CTNNA1: variants seen among roughly 807,000 people sequenced by gnomAD.
The protein encoded by CTNNA1 is catenin alpha 1.
CTNNA1 carries 37 observed loss-of-function variants against 98.4 expected under a neutral mutation model. That is an observed-to-expected ratio of 0.38 (90% CI 0.29 to 0.49). The LOEUF (loss-of-function observed/expected upper bound fraction) is 0.49, where lower values mean the gene tolerates loss of function less well. Ranked by LOEUF, CTNNA1 falls within the 20% of genes least tolerant of loss-of-function variation. The pLI, the probability that CTNNA1 is intolerant of heterozygous loss-of-function variation, is 0.95. For missense variants in CTNNA1, 761 were observed against 1,147.2 expected, an observed-to-expected ratio of 0.66 and a Z score of 4.86; for synonymous variants, 404 against 413.2, an observed-to-expected ratio of 0.98 and a Z score of 0.27.
At position 138,850,006 on chromosome 5, in the gene CTNNA1, A is replaced by T. The variant is rs145955051; in HGVS notation, c.1062+22288A>T. ...TACAATAAAACACACACACACACAC[A>T]CTCTCTCTCTTAAGATTTTTGTGTC... is the stretch of plus-strand genomic sequence containing the variant. On this transcript the variant is annotated intron_variant, in intron 7 of 17. Transcript: ENST00000302763. 1.8e-3 allele frequency among the ~76,000 whole-genome samples: 272 copies of T among 151,296 alleles called. 2 individuals are homozygous for T. The highest frequency in any genetic ancestry group is 2.8e-3 in the Non-Finnish European group (188 of 67,816).
At chr5:138,798,135 A>G (rs1206790406) in intron 3 of CTNNA1, among the ~76,000 whole-genome samples, 2 of 152,342 alleles carry the variant, frequency 1.3e-5, no homozygotes, top group East Asian at 1.9e-4. Context: ...GTGGATAATG[A>G]CATGTTCTAA....
At chr5:138,918,737 T>TG (rs1389751873) in intron 11 of CTNNA1, among the ~76,000 whole-genome samples, 13 of 152,250 alleles carry the variant, frequency 8.5e-5, no homozygotes, top group Non-Finnish European at 1.8e-4. Context: ...GGACCTCTGT[T>TG]GCCCTTGGCT....
At chr5:138,859,684 G>T (rs1764081328) in intron 7 of CTNNA1, among the ~76,000 whole-genome samples, 1 of 152,166 alleles carries the variant, frequency 6.6e-6, no homozygotes, top group Non-Finnish European at 1.5e-5. Flanking sequence ...AGCACTTTAG[G>T]GTCGCTTGAG....
chr5:138,809,349 A>C (rs1758432928), intron 3 of CTNNA1, among the ~76,000 whole-genome samples: 1 of 152,206 alleles, frequency 6.6e-6, no homozygotes, highest in African/African-American at 2.4e-5. Context: ...TTTTGACTCC[A>C]GTCTTTCCTC....
At chr5:138,890,164 T>C (rs772807787) in intron 9 of CTNNA1, among the ~76,000 whole-genome samples, 9 of 152,154 alleles carry the variant, frequency 5.9e-5, no homozygotes, top group Non-Finnish European at 1.2e-4. Context: ...TATATGAAAG[T>C]TGGGCAGGGT....
intron 5 of CTNNA1, among the ~76,000 whole-genome samples, chr5:138,816,913 G>C (rs1258555256): frequency 6.6e-6 from 1 of 152,134 alleles, no homozygotes; most frequent in Non-Finnish European, 1.5e-5. Flanking sequence ...TGGCCAGGCT[G>C]GTCTCGAACT....
chr5:138,813,603 C>G (rs1759075735), intron 5 of CTNNA1, among the ~76,000 whole-genome samples: 1 of 152,100 alleles, frequency 6.6e-6, no homozygotes, highest in African/African-American at 2.4e-5. Context: ...TTCATTACAG[C>G]AAGATGGTTG....
chr5:138,805,897 G>A (rs1758035938), intron 3 of CTNNA1, among the ~76,000 whole-genome samples: 1 of 150,448 alleles, frequency 6.6e-6, no homozygotes, highest in South Asian at 2.1e-4. Flanking sequence ...AAATTTTTTT[G>A]ATGATGTCAA....
At chr5:138,875,309 A>C in intron 7 of CTNNA1, 1 of 818,550 alleles carries the variant, frequency 1.2e-6, no homozygotes, top group Non-Finnish European at 1.5e-6. Context: ...TTTACTGAAA[A>C]GCTTTTCCGA....
intron 6 of CTNNA1, among the ~76,000 whole-genome samples, chr5:138,825,499 A>G (rs866029981): frequency 9.0e-4 from 15 of 16,628 alleles, no homozygotes; most frequent in East Asian, 4.6e-3. Flanking sequence ...TTTTTTTTTT[A>G]GGGCTTTAAA....
At chr5:138,832,578 C>G (rs1237327426) in intron 7 of CTNNA1, among the ~76,000 whole-genome samples, 1 of 151,908 alleles carries the variant, frequency 6.6e-6, no homozygotes, top group African/African-American at 2.4e-5. Context: ...AAGTTATTAC[C>G]ATTTTTTTTC....
chr5:138,822,711 T>C (rs1561561623), intron 5 of CTNNA1, among the ~76,000 whole-genome samples: 1 of 152,218 alleles, frequency 6.6e-6, no homozygotes. Flanking sequence ...TTTAGCCTAA[T>C]GTACTGTGTT....
chr5:138,823,956 C>CAAAAAAAAAAAAAAAAAAAAAAAA (rs369653057), intron 5 of CTNNA1, among the ~76,000 whole-genome samples: 1 of 64,392 alleles, frequency 1.6e-5, no homozygotes, highest in Non-Finnish European at 3.0e-5. Context: ...GACTCCGTCT[C>CAAAAAAAAAAAAAAAAAAAAAAAA]AAAAAAAAAA....
intron 4 of CTNNA1, among the ~76,000 whole-genome samples, chr5:138,811,285 C>T (rs1391961973): frequency 5.8e-5 from 8 of 136,864 alleles, no homozygotes; most frequent in Non-Finnish European, 7.9e-5. Flanking sequence ...GACGGGGCGG[C>T]GGGGCAGAGG....
chr5:138,866,367 G>A (rs1431470375), intron 7 of CTNNA1, among the ~76,000 whole-genome samples: 12 of 150,886 alleles, frequency 8.0e-5, no homozygotes, highest in African/African-American at 2.2e-4. Flanking sequence ...GAAGTCTTAT[G>A]CTCTAAACAC....
At chr5:138,895,650 T>G (rs927218457) in intron 9 of CTNNA1, among the ~76,000 whole-genome samples, 5 of 152,010 alleles carry the variant, frequency 3.3e-5, no homozygotes, top group African/African-American at 1.2e-4. Context: ...TTCTGGACAT[T>G]AGGAATATAG....
At chr5:138,859,834 G>A (rs1171859556) in intron 7 of CTNNA1, among the ~76,000 whole-genome samples, 1 of 152,196 alleles carries the variant, frequency 6.6e-6, no homozygotes, top group East Asian at 1.9e-4. Flanking sequence ...CTTGAGCCCA[G>A]GAGGCAGAGG....
chr5:138,823,752 T>C (rs1241882386), intron 5 of CTNNA1, among the ~76,000 whole-genome samples: 1 of 151,614 alleles, frequency 6.6e-6, no homozygotes, highest in Non-Finnish European at 1.5e-5. Context: ...GGTCAGGAGA[T>C]CGAGGCCATC....
intron 1 of CTNNA1, among the ~76,000 whole-genome samples, chr5:138,773,618 GT>G (rs1484798213): frequency 1.4e-5 from 2 of 147,750 alleles, no homozygotes; most frequent in Admixed American, 7.0e-5. Flanking sequence ...TCAAGTGTTA[GT>G]GTATTTTAAG....
Sources: allele counts gnomAD v4.1 joint callset (sites outside exome capture counted in the v4.1 genomes callset), GRCh38; gene constraint gnomAD v4.1.1; transcripts MANE v1.5; gene names NCBI Gene and HGNC (gene_info 2026-07-23, HGNC 2026-07-21).